ATE1: variants seen among roughly 807,000 people sequenced by gnomAD.
ATE1 encodes the protein arginyl-tRNA--protein transferase 1.
Under a neutral mutation model 70.5 loss-of-function variants are expected in ATE1, and 36 were observed. That is an observed-to-expected ratio of 0.51 (90% confidence interval 0.39 to 0.67). The LOEUF (loss-of-function observed/expected upper bound fraction) is 0.67. Among genes scored for constraint, ATE1 ranks in the 30% least tolerant of loss-of-function variants. ATE1 has a pLI of 0.00. For synonymous variants in ATE1, 232 were observed against 219.3 expected, an observed-to-expected ratio of 1.06 and a Z score of -0.51; for missense variants, 593 against 629.5, an observed-to-expected ratio of 0.94 and a Z score of 0.62.
intron 10 of ATE1, among the ~76,000 whole-genome samples, chr10:121,824,884 AAGAG>A (rs1472414592): frequency 6.6e-6 from 1 of 152,156 alleles, no homozygotes; most frequent in Non-Finnish European, 1.5e-5. Flanking sequence ...AGGGGTTAAA[AAGAG>A]AGAACTAAGC....
At chr10:121,840,257 C>T (rs1055863021) in intron 9 of ATE1, among the ~76,000 whole-genome samples, 1 of 152,298 alleles carries the variant, frequency 6.6e-6, no homozygotes, top group Admixed American at 6.5e-5. Context: ...CAGGTCTGTT[C>T]TGTATACATG....
In ATE1 at chr10:121,928,030, C is replaced by T. The variant is rs1275091542; in HGVS notation, c.-81G>A. 4 of 1,277,710 alleles carry T rather than the reference C, an allele frequency of 3.1e-6. No individual in the cohort carries two copies. Among genetic ancestry groups the T allele is most frequent in the Non-Finnish European group, 3.0e-6 (3 of 1,010,840 alleles). The allele number at this position is 1,277,710 out of a possible 1,614,324, so 79.1% of individuals were successfully genotyped here. On this transcript the variant is annotated 5_prime_UTR_variant, in exon 1 of 12. Transcript: ENST00000224652. ...CGCCGCCACCCCACAATGCAGCGCG[C>T]CGCCCGGGAGCCTCCCGAGGCTCGC...
intron 8 of ATE1, among the ~76,000 whole-genome samples, chr10:121,867,477 T>C (rs907214450): frequency 2.0e-5 from 3 of 152,176 alleles, no homozygotes; most frequent in Admixed American, 1.3e-4. Flanking sequence ...ATTATCAACA[T>C]TATCTCATCT....
intron 3 of ATE1, among the ~76,000 whole-genome samples, chr10:121,915,399 C>T (rs931088919): frequency 6.6e-6 from 1 of 151,252 alleles, no homozygotes; most frequent in Non-Finnish European, 1.5e-5. Flanking sequence ...TTAAAAGGTC[C>T]AAAATCTAAA....
At chr10:121,845,267 T>C (rs1278880187) in intron 8 of ATE1, among the ~76,000 whole-genome samples, 3 of 152,160 alleles carry the variant, frequency 2.0e-5, no homozygotes, top group Non-Finnish European at 4.4e-5. Context: ...TTGTGGGCTA[T>C]TAGGGGAATG....
chr10:121,810,909 G>A (rs1947294296), intron 10 of ATE1, among the ~76,000 whole-genome samples: 1 of 151,994 alleles, frequency 6.6e-6, no homozygotes, highest in African/African-American at 2.4e-5. Context: ...CACCATATTG[G>A]CCAGGCTGGT....
At chr10:121,849,768 G>T (rs1948983491) in intron 8 of ATE1, among the ~76,000 whole-genome samples, 1 of 152,082 alleles carries the variant, frequency 6.6e-6, no homozygotes, top group Non-Finnish European at 1.5e-5. Flanking sequence ...TGGAGAATGA[G>T]TTGGAGGTGA....
intron 7 of ATE1, among the ~76,000 whole-genome samples, chr10:121,883,528 T>C (rs555345785): frequency 6.6e-6 from 1 of 152,226 alleles, no homozygotes; most frequent in Non-Finnish European, 1.5e-5. Flanking sequence ...CACACTGAAA[T>C]ACGACAAGAG....
At chr10:121,797,189 A>G (rs894499768) in intron 10 of ATE1, among the ~76,000 whole-genome samples, 1 of 152,214 alleles carries the variant, frequency 6.6e-6, no homozygotes, top group African/African-American at 2.4e-5. Flanking sequence ...AACACAGCAA[A>G]CAACACTAAG....
chr10:121,906,727 G>A (rs917248318), intron 5 of ATE1, among the ~76,000 whole-genome samples: 1 of 151,878 alleles, frequency 6.6e-6, no homozygotes, highest in Non-Finnish European at 1.5e-5. Flanking sequence ...GCCTCCTGAG[G>A]AGCAGGGATT....
At chr10:121,872,127 T>G (rs573552031) in intron 7 of ATE1, among the ~76,000 whole-genome samples, 3 of 152,062 alleles carry the variant, frequency 2.0e-5, no homozygotes, top group Non-Finnish European at 4.4e-5. Flanking sequence ...ATTATACAAA[T>G]ACTTTTGAAT....
At position 121,925,439 on chromosome 10, in the gene ATE1, AAAAG is replaced by A. The variant is rs1213343179; in HGVS notation, c.107-1114_107-1111del. Among the ~76,000 whole-genome samples the A allele has an allele frequency of 2.0e-3, 311 of 151,924 alleles. 1 individual carries two copies. The highest frequency in any genetic ancestry group is 6.6e-3 in the African/African-American group (275 of 41,468). On this transcript the variant is annotated intron_variant, in intron 1 of 11. Coordinates refer to ENST00000224652, the MANE Select transcript of ATE1 (RefSeq NM_001001976.3). The stretch of plus-strand genomic sequence containing the variant: ...TGAAGCTCTGTCTCAAAAAAAAAAA[AAAAG>A]AAAGAAAGAAAGAAAGTAACTCAAA...
At chr10:121,761,809 T>C (rs1945051314) in intron 11 of ATE1, among the ~76,000 whole-genome samples, 1 of 152,242 alleles carries the variant, frequency 6.6e-6, no homozygotes, top group Non-Finnish European at 1.5e-5. Flanking sequence ...TAAATTATAG[T>C]ATCTTGTATA....
intron 4 of ATE1, among the ~76,000 whole-genome samples, chr10:121,911,810 G>C (rs1208443533): frequency 6.6e-6 from 1 of 151,798 alleles, no homozygotes; most frequent in Admixed American, 6.6e-5. Flanking sequence ...GCAGGGGCGC[G>C]ACCTCGGCTC....
intron 10 of ATE1, among the ~76,000 whole-genome samples, chr10:121,796,930 T>C (rs564591964): frequency 1.3e-5 from 2 of 152,324 alleles, no homozygotes; most frequent in East Asian, 3.9e-4. Context: ...TTTCTTACCC[T>C]ATAAAAGAAT....
At chr10:121,863,252 C>CTT (rs1162295975) in intron 8 of ATE1, among the ~76,000 whole-genome samples, 125 of 127,298 alleles carry the variant, frequency 9.8e-4, no homozygotes, top group Non-Finnish European at 1.3e-3. Flanking sequence ...CTGAAGTCTA[C>CTT]TTTTTTTTTT....
intron 5 of ATE1, among the ~76,000 whole-genome samples, chr10:121,904,703 A>C (rs1170295002): frequency 9.1e-5 from 2 of 21,858 alleles, no homozygotes; most frequent in Non-Finnish European, 1.8e-4. Context: ...CAAAGTCAGC[A>C]AAAAAAAAAA....
intron 10 of ATE1, among the ~76,000 whole-genome samples, chr10:121,795,454 T>C (rs948477518): frequency 2.6e-5 from 4 of 152,116 alleles, no homozygotes; most frequent in African/African-American, 7.2e-5. Context: ...AGTGTACAAC[T>C]GTCCCAAGTT....
intron 10 of ATE1, among the ~76,000 whole-genome samples, chr10:121,835,006 T>G (rs897035737): frequency 3.9e-5 from 6 of 152,156 alleles, no homozygotes; most frequent in Non-Finnish European, 8.8e-5. Context: ...CTGAACTAAT[T>G]TAGATCTAGT....
Sources: allele counts gnomAD v4.1 joint callset (sites outside exome capture counted in the v4.1 genomes callset), GRCh38; gene constraint gnomAD v4.1.1; transcripts MANE v1.5; gene names NCBI Gene and HGNC (gene_info 2026-07-23, HGNC 2026-07-21).